The following IKZF3 variants were observed in gnomAD, a reference collection of about 807,000 sequenced individuals.
The protein encoded by IKZF3 is IKAROS family zinc finger 3.
Under a neutral mutation model 49.0 loss-of-function variants are expected in IKZF3, and 10 were observed. That is an observed-to-expected ratio of 0.20 (90% CI 0.13 to 0.35). The LOEUF (loss-of-function observed/expected upper bound fraction) is 0.35. Ranked by LOEUF, IKZF3 falls within the 10% of genes least tolerant of loss-of-function variation. The probability of loss-of-function intolerance (pLI) is 1.00; values close to 1 mark genes in which losing one functional copy is unlikely to be tolerated. For synonymous variants in IKZF3, 209 were observed against 228.2 expected, an observed-to-expected ratio of 0.92 and a Z score of 0.76; for missense variants, 498 against 664.8, an observed-to-expected ratio of 0.75 and a Z score of 2.76.
chr17:39,797,260 C>G (rs1215753307), intron 3 of IKZF3, among the ~76,000 whole-genome samples: 1 of 152,052 alleles, frequency 6.6e-6, no homozygotes, highest in Non-Finnish European at 1.5e-5. Flanking sequence ...TCCGCCTCCA[C>G]AATTCACTTA....
chr17:39,843,258 G>C (rs73985222), intron 1 of IKZF3, among the ~76,000 whole-genome samples: 10 of 152,014 alleles, frequency 6.6e-5, no homozygotes, highest in Admixed American at 6.5e-5. Context: ...GTGAAGGCAG[G>C]GCACATACTC....
Position 39,766,254 on chromosome 17 carries a change from G to A in IKZF3, c.1066C>T (p.Pro356Ser), listed in dbSNP as rs761452396. The change falls in exon 8 of 8, where the codon CCT (proline) becomes TCT (serine). Residue 356 changes from proline (P) to serine (S), a missense_variant. Physicochemically the swap from Pro to Ser is moderately conservative, Grantham distance 74 (BLOSUM62 -1). Around this residue, in one of 3 missense-constraint regions of IKZF3, gnomAD observed 317 missense variants for 397.3 expected, o/e 0.80. Transcript: ENST00000346872. ...LTRAEMSNGA[P>S]QELEKKSIHL... The stretch of plus-strand genomic sequence containing the variant: ...ATGCTTTTCTTTTCCAGCTCTTGAG[G>A]GGCACCGTTTGACATCTCAGCCCGG... The A allele has an allele frequency of 6.8e-6, 11 of 1,614,160 alleles. No homozygotes were observed. Among genetic ancestry groups the A allele is most frequent in the Middle Eastern group, 1.6e-4 (1 of 6,062 alleles).
rs563908446 is a variant in IKZF3, at chr17:39,761,563, C to G, written c.*4227G>C. Reference sequence around the variant, plus strand: ...ACCCTGGTCCTCTAAAATATACATACATATATATACATATACAAAAAAAAT... The same window carrying G: ...ACCCTGGTCCTCTAAAATATACATAGATATATATACATATACAAAAAAAAT... On this transcript the variant is annotated 3_prime_UTR_variant, in exon 8 of 8. Transcript: ENST00000346872. The G allele has an allele frequency of 2.0e-5, 3 of 150,924 alleles. No individual in the cohort carries two copies. The East Asian group carries it at 5.8e-4, about 29-fold the overall frequency. The allele number at this position is 150,924 out of a possible 1,614,324, so 9.3% of individuals were successfully genotyped here. A position where few individuals can be genotyped will look rare whatever the true frequency, so the allele number is the denominator to read the frequency against.
chr17:39,836,770 C>G (rs2062297508), intron 1 of IKZF3, among the ~76,000 whole-genome samples: 1 of 152,096 alleles, frequency 6.6e-6, no homozygotes, highest in Non-Finnish European at 1.5e-5. Flanking sequence ...CATTTCCTAC[C>G]CTCCAACCTT....
intron 3 of IKZF3, among the ~76,000 whole-genome samples, chr17:39,808,245 C>T (rs970978123): frequency 6.6e-6 from 1 of 152,130 alleles, no homozygotes; most frequent in African/African-American, 2.4e-5. Context: ...CCTTTTGTTC[C>T]TGTACAACTG....
At chr17:39,782,710 T>C (rs1337921694) in intron 6 of IKZF3, among the ~76,000 whole-genome samples, 3 of 151,892 alleles carry the variant, frequency 2.0e-5, no homozygotes, top group Admixed American at 6.6e-5. Context: ...CGTTCCTGGG[T>C]GGTGTTTGGC....
chr17:39,810,035 C>T (rs1368992016), intron 3 of IKZF3, among the ~76,000 whole-genome samples: 1 of 152,156 alleles, frequency 6.6e-6, no homozygotes, highest in Non-Finnish European at 1.5e-5. Context: ...GAACTGTACT[C>T]TTTGCCCAGA....
rs141573842 is a variant in IKZF3, at chr17:39,821,049, G to T, written c.163+8338C>A. 1.8e-3 allele frequency among the ~76,000 whole-genome samples: 267 copies of T among 152,154 alleles called. 1 individual carries two copies. The highest frequency in any genetic ancestry group is 5.8e-3 in the African/African-American group (240 of 41,490). On this transcript the variant is annotated intron_variant, in intron 3 of 7. Transcript: ENST00000346872. ...TAATAAACTGGTAATGATAAGTAAA[G>T]AAACTTTTTGAGCTCTGTGGGTCAT... is the stretch of plus-strand genomic sequence containing the variant.
Position 39,851,353 on chromosome 17 carries a change from T to TGAATACATA in IKZF3, c.7+12758_7+12766dup, listed in dbSNP as rs537437267. ...CACCTAGGTATATATTCAAGAGACA[T>TGAATACATA]GAATACATATAGGCCCACCAAAAGA... is the stretch of plus-strand genomic sequence containing the variant. On this transcript the variant is annotated intron_variant, in intron 1 of 7. Coordinates refer to ENST00000346872, the MANE Select transcript of IKZF3 (RefSeq NM_012481.5). 4.1e-3 allele frequency among the ~76,000 whole-genome samples: 620 copies of TGAATACATA among 152,116 alleles called. 4 individuals carry two copies. The highest frequency in any genetic ancestry group is 0.015 in the African/African-American group (602 of 41,480).
At chr17:39,801,956 G>C (rs1432621193) in intron 3 of IKZF3, among the ~76,000 whole-genome samples, 3 of 152,148 alleles carry the variant, frequency 2.0e-5, no homozygotes, top group Admixed American at 2.0e-4. Flanking sequence ...GCAGGGCGCA[G>C]TGGTTCACGC....
chr17:39,805,558 C>A (rs546530147), intron 3 of IKZF3, among the ~76,000 whole-genome samples: 2 of 151,982 alleles, frequency 1.3e-5, no homozygotes, highest in Non-Finnish European at 2.9e-5. Context: ...AGACTTTTAC[C>A]CATCTCTGGT....
rs936090774 is a variant in IKZF3, at chr17:39,758,004, G to C, written c.*7786C>G. The C allele has an allele frequency of 2.0e-5, 3 of 152,172 alleles. No individual in the cohort carries two copies. The highest frequency in any genetic ancestry group is 2.4e-5 in the African/African-American group (1 of 41,430). 9.4% of individuals were successfully genotyped at this position (152,172 alleles called of 1,614,324 possible). ...ATGAGAGGAGAGGCTGTGAGCACAG[G>C]CTGTGTCAAAACCCAGGGCAAGGGC... On this transcript the variant is annotated 3_prime_UTR_variant, in exon 8 of 8. Coordinates refer to ENST00000346872, the MANE Select transcript of IKZF3 (RefSeq NM_012481.5).
In IKZF3 at chr17:39,763,336, T is replaced by C. The variant is rs1373628251; in HGVS notation, c.*2454A>G. ...ACGAGTTGAGTTGGAGCCGAATGCA[T>C]AAGCCCCTTAGAAATAAAACACTAA... On this transcript the variant is annotated 3_prime_UTR_variant, in exon 8 of 8. Transcript: ENST00000346872. 6.6e-6 allele frequency: 1 copy of C among 152,148 alleles called. No individual in the cohort carries two copies. The highest frequency in any genetic ancestry group is 1.5e-5 in the Non-Finnish European group (1 of 68,026). 9.4% of individuals were successfully genotyped at this position (152,148 alleles called of 1,614,324 possible). A position where few individuals can be genotyped will look rare whatever the true frequency, so the allele number is the denominator to read the frequency against.
chr17:39,855,909 T>G (rs2063026618), intron 1 of IKZF3, among the ~76,000 whole-genome samples: 1 of 152,090 alleles, frequency 6.6e-6, no homozygotes, highest in African/African-American at 2.4e-5. Flanking sequence ...TTATAAGTAT[T>G]TAAGATTTAT....
chr17:39,773,979 C>A (rs965764548), intron 7 of IKZF3, among the ~76,000 whole-genome samples: 1 of 151,388 alleles, frequency 6.6e-6, no homozygotes, highest in Non-Finnish European at 1.5e-5. Flanking sequence ...CAAAGACATA[C>A]AAAATTTCTT....
At chr17:39,772,910 G>A (rs1042642695) in intron 7 of IKZF3, among the ~76,000 whole-genome samples, 5 of 152,042 alleles carry the variant, frequency 3.3e-5, no homozygotes, top group Non-Finnish European at 5.9e-5. Flanking sequence ...CTGCTTCCTG[G>A]GTTCAAGTGA....
At position 39,799,939 on chromosome 17, in the gene IKZF3, T is replaced by C. The variant is rs573698714; in HGVS notation, c.164-7006A>G. Among the ~76,000 whole-genome samples, 3 of 152,384 alleles carry C rather than the reference T, an allele frequency of 2.0e-5. No homozygotes were observed. The South Asian group carries it at 6.2e-4, about 32-fold the overall frequency. On this transcript the variant is annotated intron_variant, in intron 3 of 7. Coordinates refer to ENST00000346872, the MANE Select transcript of IKZF3 (RefSeq NM_012481.5). ...TACAGATCCGCTTTTATGTAGTTGA[T>C]GTGTTCATAAAATGTTTCATGCAAA...
At chr17:39,842,060 C>CAAAAAAAAAAAAAAAAAAAA (rs1491414621) in intron 1 of IKZF3, among the ~76,000 whole-genome samples, 1 of 20,318 alleles carries the variant, frequency 4.9e-5, no homozygotes, top group Non-Finnish European at 9.2e-5. Flanking sequence ...AAAAAAAAAA[C>CAAAAAAAAAAAAAAAAAAAA]CAGATAAAAT....
In IKZF3 at chr17:39,761,497, T is replaced by C. The variant is rs1394925834; in HGVS notation, c.*4293A>G. On this transcript the variant is annotated 3_prime_UTR_variant, in exon 8 of 8. Coordinates refer to ENST00000346872, the MANE Select transcript of IKZF3 (RefSeq NM_012481.5). ...CTTGGGAGGCTGAGGCAGGATTGCTTGAGCACAGGAGTTTGAGTCTGGCCT... is the reference window on the plus strand; with the variant it reads ...CTTGGGAGGCTGAGGCAGGATTGCTCGAGCACAGGAGTTTGAGTCTGGCCT... The C allele has an allele frequency of 1.3e-5, 2 of 152,048 alleles. No homozygotes were observed. The highest frequency in any genetic ancestry group is 2.1e-4 in the South Asian group (1 of 4,832). 9.4% of individuals were successfully genotyped at this position (152,048 alleles called of 1,614,324 possible). A position where few individuals can be genotyped will look rare whatever the true frequency, so the allele number is the denominator to read the frequency against.
Sources: allele counts gnomAD v4.1 joint callset (sites outside exome capture counted in the v4.1 genomes callset), GRCh38; gene constraint gnomAD v4.1.1; regional missense constraint gnomAD v4.1.1; transcripts MANE v1.5; gene names NCBI Gene and HGNC (gene_info 2026-07-23, HGNC 2026-07-21).